Variants in KIAA0825 observed in about 807,000 individuals in gnomAD.
KIAA0825 encodes KIAA0825.
A neutral mutation model predicts 147.6 loss-of-function variants in KIAA0825; 119 were observed. The ratio of observed to expected loss-of-function variants is 0.81; its 90% CI spans 0.69 to 0.94. KIAA0825 has a LOEUF of 0.94. Among genes scored for constraint, KIAA0825 ranks in the 40% least tolerant of loss-of-function variants. The pLI, the probability that KIAA0825 is intolerant of heterozygous loss-of-function variation, is 0.00. For synonymous variants in KIAA0825, 470 were observed against 518.1 expected, an observed-to-expected ratio of 0.91 and a Z score of 1.26; for missense variants, 1,381 against 1,472.7, an observed-to-expected ratio of 0.94 and a Z score of 1.02.
intron 12 of KIAA0825, among the ~76,000 whole-genome samples, chr5:94,457,669 T>A (rs549499555): frequency 2.6e-5 from 4 of 152,288 alleles, no homozygotes; most frequent in South Asian, 4.1e-4. Flanking sequence ...ACTGATCAGC[T>A]CTTTGGGCTT....
chr5:94,424,509 C>T (rs1032682246), intron 14 of KIAA0825, among the ~76,000 whole-genome samples: 3 of 151,834 alleles, frequency 2.0e-5, no homozygotes, highest in African/African-American at 7.3e-5. Context: ...CTAAAAGATA[C>T]AACAAAAGCA....
At chr5:94,209,864 G>A (rs1349422472) in intron 20 of KIAA0825, among the ~76,000 whole-genome samples, 2 of 152,158 alleles carry the variant, frequency 1.3e-5, no homozygotes, top group Non-Finnish European at 2.9e-5. Flanking sequence ...GTGCTGGAAT[G>A]CCTGGGCTGG....
intron 20 of KIAA0825, among the ~76,000 whole-genome samples, chr5:94,305,423 T>C (rs1039601159): frequency 3.3e-5 from 5 of 151,954 alleles, no homozygotes; most frequent in African/African-American, 1.2e-4. Context: ...AGGATTGACA[T>C]ATGACATTTA....
intron 20 of KIAA0825, among the ~76,000 whole-genome samples, chr5:94,249,102 AATT>A (rs1775803262): frequency 6.6e-6 from 1 of 152,110 alleles, no homozygotes; most frequent in Non-Finnish European, 1.5e-5. Flanking sequence ...TTTTAGCTGC[AATT>A]ATTATTTGTG....
intron 20 of KIAA0825, among the ~76,000 whole-genome samples, chr5:94,331,052 C>T (rs1436080481): frequency 2.6e-5 from 4 of 151,498 alleles, no homozygotes; most frequent in Non-Finnish European, 5.9e-5. Flanking sequence ...GCAGGAGAAT[C>T]GCTGGAACCT....
At chr5:94,242,944 C>T (rs1450544542) in intron 20 of KIAA0825, among the ~76,000 whole-genome samples, 1 of 152,104 alleles carries the variant, frequency 6.6e-6, no homozygotes, top group Non-Finnish European at 1.5e-5. Context: ...CTTATTGTCT[C>T]ACTTATATGG....
chr5:94,404,188 TAAGAAAAAA>T (rs1310866878), intron 15 of KIAA0825, among the ~76,000 whole-genome samples: 2 of 152,068 alleles, frequency 1.3e-5, no homozygotes, highest in Non-Finnish European at 2.9e-5. Context: ...GCAAAGGATA[TAAGAAAAAA>T]TAAAAATCAA....
At chr5:94,503,063 C>T (rs1261590329) in intron 5 of KIAA0825, among the ~76,000 whole-genome samples, 2 of 139,472 alleles carry the variant, frequency 1.4e-5, no homozygotes, top group East Asian at 2.0e-4. Flanking sequence ...GAGACTCCAT[C>T]TCAAAAAAAA....
At chr5:94,370,466 G>T (rs1746523234) in intron 20 of KIAA0825, among the ~76,000 whole-genome samples, 1 of 152,020 alleles carries the variant, frequency 6.6e-6, no homozygotes, top group Admixed American at 6.6e-5. Flanking sequence ...TAAAATAGGG[G>T]TTATATCAGA....
At chr5:94,265,247 T>C (rs1357150283) in intron 20 of KIAA0825, among the ~76,000 whole-genome samples, 1 of 152,228 alleles carries the variant, frequency 6.6e-6, no homozygotes, top group African/African-American at 2.4e-5. Context: ...AATGTTATCA[T>C]TGGCACTATT....
intron 1 of KIAA0825, among the ~76,000 whole-genome samples, chr5:94,588,118 C>T (rs927355584): frequency 9.2e-5 from 14 of 152,052 alleles, no homozygotes; most frequent in African/African-American, 2.9e-4. Context: ...ATACCATTCC[C>T]GACATAGGCA....
At chr5:94,313,327 C>T (rs1475032645) in intron 20 of KIAA0825, among the ~76,000 whole-genome samples, 2 of 151,728 alleles carry the variant, frequency 1.3e-5, no homozygotes, top group East Asian at 1.9e-4. Context: ...GTAACTTTTA[C>T]GGCTCGATAT....
At chr5:94,403,921 G>T in intron 15 of KIAA0825, 128 bp from the exon 16 acceptor site, 1 of 679,824 alleles carries the variant, frequency 1.5e-6, no homozygotes. Flanking sequence ...TCTTAACCAA[G>T]AAATCATATG....
intron 10 of KIAA0825, among the ~76,000 whole-genome samples, chr5:94,466,466 T>A (rs1020442977): frequency 8.6e-5 from 13 of 151,972 alleles, no homozygotes; most frequent in Admixed American, 6.6e-4. Flanking sequence ...ACACCTGTAA[T>A]CCCAGCACGT....
chr5:94,428,782 A>G (rs189344913), intron 14 of KIAA0825, among the ~76,000 whole-genome samples: 350 of 152,290 alleles, frequency 2.3e-3, no homozygotes, highest in South Asian at 5.0e-3. Flanking sequence ...TATTCCCTCA[A>G]GTACATTTTC....
At chr5:94,190,365 G>A (rs1036261889) in intron 20 of KIAA0825, among the ~76,000 whole-genome samples, 7 of 152,072 alleles carry the variant, frequency 4.6e-5, no homozygotes, top group South Asian at 2.1e-4. Flanking sequence ...TCGCTCTGTC[G>A]CCCAGGCTGG....
intron 20 of KIAA0825, among the ~76,000 whole-genome samples, chr5:94,172,621 T>C (rs932495997): frequency 6.6e-6 from 1 of 152,200 alleles, no homozygotes; most frequent in Non-Finnish European, 1.5e-5. Context: ...GAGAGCAAGC[T>C]TCTTTAAGTT....
At chr5:94,605,936 T>G (rs961273219) in intron 1 of KIAA0825, among the ~76,000 whole-genome samples, 2 of 152,102 alleles carry the variant, frequency 1.3e-5, no homozygotes, top group Non-Finnish European at 2.9e-5. Flanking sequence ...GAGAAAGAAA[T>G]AAAGGGCTTC....
chr5:94,304,404 G>A (rs780679137), intron 20 of KIAA0825, among the ~76,000 whole-genome samples: 9 of 151,938 alleles, frequency 5.9e-5, no homozygotes, highest in Non-Finnish European at 1.0e-4. Context: ...GGAATAATAC[G>A]GCAGGTGAGG....
Sources: gnomAD v4.1 joint callset for allele counts (sites outside exome capture counted in the v4.1 genomes callset) on GRCh38, gnomAD v4.1.1 for gene constraint, MANE v1.5 for transcripts, NCBI Gene and HGNC (gene_info 2026-07-23, HGNC 2026-07-21) for gene names.